Variants in WDR1 observed in about 807,000 individuals in gnomAD.
The protein encoded by WDR1 is WD repeat domain 1.
Under a neutral mutation model 71.9 loss-of-function variants are expected in WDR1, and 21 were observed. The ratio of observed to expected loss-of-function variants is 0.29; its 90% CI spans 0.21 to 0.42. The LOEUF is 0.42. Among genes scored for constraint, WDR1 ranks in the 10% least tolerant of loss-of-function variants. The probability of loss-of-function intolerance (pLI) is 1.00; values close to 1 mark genes in which losing one functional copy is unlikely to be tolerated. For synonymous variants in WDR1, 424 were observed against 347.4 expected (o/e 1.22, Z -2.45); for missense variants, 696 against 824.5 (o/e 0.84, Z 1.91).
chr4:10,088,532 T>A, intron 6 of WDR1, 132 bp downstream of exon 6: 1 of 1,108,170 alleles, frequency 9.0e-7, no homozygotes, highest in Non-Finnish European at 1.3e-6. Context: ...TGACGACGAG[T>A]CTGCAGATGT....
In WDR1 at chr4:10,074,906, G is replaced by A. The variant is rs1468574467; in HGVS notation, c.*472C>T. 1 of 165,446 alleles carries A rather than the reference G, an allele frequency of 6.0e-6. No individual in the cohort carries two copies. The highest frequency in any genetic ancestry group is 2.4e-5 in the African/African-American group (1 of 41,980). The allele number at this position is 165,446 out of a possible 1,614,324, so 10.2% of individuals were successfully genotyped here. ...TCACACACTAGGGAGACAGACATCT[G>A]TTCAACACAGAATTCCGGCTTTGCT... On this transcript the variant is annotated 3_prime_UTR_variant, in exon 15 of 15. Transcript: ENST00000499869.
chr4:10,105,681 A>C (rs1366726443), intron 2 of WDR1, among the ~76,000 whole-genome samples: 4 of 152,188 alleles, frequency 2.6e-5, no homozygotes, highest in Non-Finnish European at 5.9e-5. Context: ...GTGGAAATGC[A>C]AAATGGTACA....
intron 3 of WDR1, among the ~76,000 whole-genome samples, chr4:10,100,871 T>G (rs988050134): frequency 6.6e-6 from 1 of 152,202 alleles, no homozygotes; most frequent in African/African-American, 2.4e-5. Flanking sequence ...GGAGCATACA[T>G]ATCCACACAT....
intron 3 of WDR1, among the ~76,000 whole-genome samples, chr4:10,102,110 C>T (rs1044463436): frequency 2.0e-5 from 3 of 152,220 alleles, no homozygotes; most frequent in Non-Finnish European, 2.9e-5. Context: ...CCGCCTGGCT[C>T]GATCAGAACA....
chr4:10,077,008 C>T (rs913237728), intron 14 of WDR1: 21 of 386,368 alleles, frequency 5.4e-5, no homozygotes, highest in African/African-American at 4.1e-4. Flanking sequence ...AGGGGGAGAC[C>T]CTGGTCCCAG....
chr4:10,095,059 G>A (rs919459730), intron 5 of WDR1, among the ~76,000 whole-genome samples: 2 of 152,234 alleles, frequency 1.3e-5, no homozygotes, highest in African/African-American at 4.8e-5. Flanking sequence ...CCTGGTCCCG[G>A]CCACAGGGGG....
chr4:10,108,757 T>C (rs1713176458), intron 2 of WDR1, among the ~76,000 whole-genome samples: 1 of 152,274 alleles, frequency 6.6e-6, no homozygotes, highest in Non-Finnish European at 1.5e-5. Context: ...CAACGCCTTC[T>C]CCTAATTATC....
chr4:10,083,264 A>G (rs1765085810), intron 9 of WDR1, 86 bp from the exon 10 acceptor site: 2 of 1,470,108 alleles, frequency 1.4e-6, no homozygotes, highest in South Asian at 1.3e-5. Flanking sequence ...CTCCATTTAC[A>G]TCAAGAATGA....
rs576258531 is a variant in WDR1 at position 10,115,635 on chromosome 4, G to A, written c.138+478C>T. 2.0e-5 allele frequency: 3 copies of A among 153,414 alleles called. No homozygotes were observed. The East Asian group carries it at 5.8e-4, about 29-fold the overall frequency. 9.5% of individuals were successfully genotyped at this position (153,414 alleles called of 1,614,324 possible). A position where few individuals can be genotyped will look rare whatever the true frequency, so the allele number is the denominator to read the frequency against. On this transcript the variant is annotated intron_variant, in intron 2 of 14. Coordinates refer to ENST00000499869, the MANE Select transcript of WDR1 (RefSeq NM_017491.5). ...TCCATCTGCCCAGCCAGCAGGCGAA[G>A]CGAGAGTGGTCATCATCTCATCATC...
intron 8 of WDR1, among the ~76,000 whole-genome samples, chr4:10,085,293 GTATGCCACAT>G (rs1765168519): frequency 6.6e-6 from 1 of 152,256 alleles, no homozygotes; most frequent in Admixed American, 6.5e-5. Flanking sequence ...GATCTCTGTG[GTATGCCACAT>G]GTTGCCACAA....
intron 1 of WDR1, 130 bp from the exon 2 acceptor site, chr4:10,116,364 T>C: frequency 1.5e-6 from 2 of 1,367,474 alleles, no homozygotes; most frequent in South Asian, 1.4e-5. Flanking sequence ...GCCTCCACTT[T>C]CCACGAGCGC....
At position 10,089,018 on chromosome 4, in the gene WDR1, G is replaced by A. The variant is rs534907676; in HGVS notation, c.559-277C>T. ...ACCACCTCCAGTTATGCCCCCCCCA[G>A]TGAGGTGCCCCCAGCAGCTGCCCTC... is the stretch of plus-strand genomic sequence containing the variant. On this transcript the variant is annotated intron_variant, in intron 5 of 14. Coordinates refer to ENST00000499869, the MANE Select transcript of WDR1 (RefSeq NM_017491.5). Among the ~76,000 whole-genome samples the A allele has an allele frequency of 1.6e-4, 24 of 152,216 alleles. No individual in the cohort carries two copies. In the South Asian group the frequency reaches 2.5e-3, roughly 16 times the overall value.
At chr4:10,083,507 TTA>T (rs1184307623) in intron 9 of WDR1, 22 of 494,106 alleles carry the variant, frequency 4.5e-5, no homozygotes, top group South Asian at 1.8e-4. Context: ...CCACATTTCT[TTA>T]TGTTTTGGGG....
intron 12 of WDR1, 128 bp downstream of exon 12, chr4:10,078,763 A>G: frequency 1.3e-6 from 1 of 742,234 alleles, no homozygotes; most frequent in Admixed American, 3.0e-5. Context: ...CCACGCCCCG[A>G]CTGCCCCCAT....
At chr4:10,115,195 C>A (rs531598911) in intron 2 of WDR1, among the ~76,000 whole-genome samples, 1 of 152,370 alleles carries the variant, frequency 6.6e-6, no homozygotes, top group East Asian at 1.9e-4. Context: ...CCGGCACCTC[C>A]AACTCCCACC....
intron 2 of WDR1, among the ~76,000 whole-genome samples, chr4:10,112,395 A>G (rs762645004): frequency 4.6e-5 from 7 of 152,166 alleles, no homozygotes; most frequent in Non-Finnish European, 8.8e-5. Flanking sequence ...GTTCACTGGA[A>G]TCCCCTTCTT....
intron 2 of WDR1, among the ~76,000 whole-genome samples, chr4:10,105,077 C>G (rs1030717750): frequency 3.3e-5 from 5 of 152,232 alleles, no homozygotes; most frequent in African/African-American, 1.2e-4. Context: ...GTGCCCTTGG[C>G]CAGCACCTCT....
Position 10,077,286 on chromosome 4 carries a change from C to G in WDR1, c.1714+18G>C. The G allele has an allele frequency of 1.2e-6, 2 of 1,613,510 alleles. No homozygotes were observed. The highest frequency in any genetic ancestry group is 2.2e-5 in the South Asian group (2 of 91,040). ...GAACCATGGGTGGTCCCTGCCAAGG[C>G]CTGGGGGCGGAAGTCACCTTGGATC... On this transcript the variant is annotated intron_variant, in intron 14 of 14. Transcript: ENST00000499869.
chr4:10,083,928 G>A (rs577076464), intron 9 of WDR1, among the ~76,000 whole-genome samples: 5 of 152,350 alleles, frequency 3.3e-5, no homozygotes, highest in Admixed American at 2.6e-4. Context: ...AAGGCACCTC[G>A]CAGGAGCTCC....
Sources: allele counts gnomAD v4.1 joint callset (sites outside exome capture counted in the v4.1 genomes callset), GRCh38; gene constraint gnomAD v4.1.1; transcripts MANE v1.5; gene names NCBI Gene and HGNC (gene_info 2026-07-23, HGNC 2026-07-21).